Variants in CBFA2T2 observed in about 807,000 individuals in gnomAD.
CBFA2T2 encodes the protein protein CBFA2T2.
In CBFA2T2, 11 loss-of-function variants were observed where a neutral mutation model predicts 62.2. That is an observed-to-expected ratio of 0.18 (90% CI 0.11 to 0.29). The LOEUF (loss-of-function observed/expected upper bound fraction) is 0.29, where lower values mean the gene tolerates loss of function less well. CBFA2T2 is among the 10% of genes least tolerant of loss of function. The probability of loss-of-function intolerance (pLI) is 1.00; values close to 1 mark genes in which losing one functional copy is unlikely to be tolerated. For missense variants in CBFA2T2, 592 were observed against 774.1 expected (o/e 0.76, Z 2.79); for synonymous variants, 295 against 287.5 (o/e 1.03, Z -0.27).
intron 1 of CBFA2T2, among the ~76,000 whole-genome samples, chr20:33,494,566 C>T (rs1345705614): frequency 3.7e-4 from 56 of 151,594 alleles, no homozygotes; most frequent in African/African-American, 1.2e-3. Flanking sequence ...CAGGCATGAG[C>T]CACCGCGCCC....
At chr20:33,607,159 G>GA in intron 2 of CBFA2T2, 60 bp downstream of exon 2, 1 of 1,531,036 alleles carries the variant, frequency 6.5e-7, no homozygotes, top group Non-Finnish European at 9.0e-7. Context: ...CTAAGTGACT[G>GA]ACTTGTATGA....
chr20:33,643,663 T>G (rs1235475167), intron 10 of CBFA2T2, among the ~76,000 whole-genome samples: 2 of 148,588 alleles, frequency 1.3e-5, no homozygotes, highest in Non-Finnish European at 3.0e-5. Flanking sequence ...GCGCTTATAA[T>G]CCTGACACTT....
chr20:33,520,342 C>G (rs1001311621), intron 1 of CBFA2T2, among the ~76,000 whole-genome samples: 1 of 152,142 alleles, frequency 6.6e-6, no homozygotes, highest in Non-Finnish European at 1.5e-5. Context: ...ATATATCTTT[C>G]ATTTGATTGC....
chr20:33,643,611 C>G (rs1019592448), intron 10 of CBFA2T2, among the ~76,000 whole-genome samples: 1 of 151,120 alleles, frequency 6.6e-6, no homozygotes, highest in African/African-American at 2.4e-5. Flanking sequence ...TCAGTAAAAA[C>G]AATGAAGATT....
intron 1 of CBFA2T2, among the ~76,000 whole-genome samples, chr20:33,577,671 T>C (rs1600997227): frequency 6.6e-6 from 1 of 152,208 alleles, no homozygotes; most frequent in Non-Finnish European, 1.5e-5. Context: ...AGTCCTACAA[T>C]AATTAATTCT....
At chr20:33,546,571 C>T (rs2012575567) in intron 1 of CBFA2T2, among the ~76,000 whole-genome samples, 1 of 151,622 alleles carries the variant, frequency 6.6e-6, no homozygotes, top group African/African-American at 2.4e-5. Flanking sequence ...ACTCTGCAGG[C>T]ATATGTTCCA....
At position 33,647,761 on chromosome 20, in the gene CBFA2T2, G is replaced by A. The variant is rs138272192; in HGVS notation, c.*3115G>A. On this transcript the variant is annotated 3_prime_UTR_variant, in exon 11 of 11. Transcript: ENST00000342704. ...AGCCTGGCCTGCTCTTGTGGGCTGT[G>A]GTTGCTGTGACAGTTTCGTTTTCTG... 4 of 152,346 alleles carry A rather than the reference G, an allele frequency of 2.6e-5. No individual in the cohort carries two copies. The highest frequency in any genetic ancestry group is 9.6e-5 in the African/African-American group (4 of 41,462). 9.4% of individuals were successfully genotyped at this position (152,346 alleles called of 1,614,324 possible). A position where few individuals can be genotyped will look rare whatever the true frequency, so the allele number is the denominator to read the frequency against.
At chr20:33,532,296 G>A (rs547931469) in intron 1 of CBFA2T2, among the ~76,000 whole-genome samples, 1 of 152,316 alleles carries the variant, frequency 6.6e-6, no homozygotes, top group East Asian at 1.9e-4. Context: ...GCAGAAAAGT[G>A]TAATTCTGTC....
intron 1 of CBFA2T2, among the ~76,000 whole-genome samples, chr20:33,542,208 G>A (rs778689392): frequency 1.4e-4 from 21 of 152,184 alleles, no homozygotes; most frequent in Non-Finnish European, 2.1e-4. Context: ...GGAACATGTG[G>A]TTTACAGCAT....
intron 8 of CBFA2T2, among the ~76,000 whole-genome samples, chr20:33,630,186 A>C (rs2122355870): frequency 6.6e-6 from 1 of 152,242 alleles, no homozygotes; most frequent in South Asian, 2.1e-4. Flanking sequence ...GGCCTCAAGC[A>C]ATCCTCCTGC....
intron 1 of CBFA2T2, among the ~76,000 whole-genome samples, chr20:33,495,732 A>C (rs1459928670): frequency 6.6e-6 from 1 of 152,172 alleles, no homozygotes. Flanking sequence ...TAAATTCTAA[A>C]GTTTTGAAAT....
Position 33,513,809 on chromosome 20 carries a change from G to T in CBFA2T2, c.34+23508G>T, listed in dbSNP as rs1228408595. On this transcript the variant is annotated intron_variant, in intron 1 of 10. Coordinates refer to ENST00000342704, the MANE Select transcript of CBFA2T2 (RefSeq NM_001032999.3). Reference sequence around the variant, plus strand: ...TGGCCGGGTGACAGAGTAAGACTCTGTCCCAGGAAAAAAAAAAAAAAAAAA... The same window carrying T: ...TGGCCGGGTGACAGAGTAAGACTCTTTCCCAGGAAAAAAAAAAAAAAAAAA... 1.6e-4 allele frequency among the ~76,000 whole-genome samples: 13 copies of T among 79,396 alleles called. 1 individual carries two copies. The highest frequency in any genetic ancestry group is 2.8e-4 in the Non-Finnish European group (11 of 39,086). 52.1% of individuals were successfully genotyped at this position (79,396 alleles called of 152,430 possible).
At chr20:33,503,051 A>C (rs188939028) in intron 1 of CBFA2T2, among the ~76,000 whole-genome samples, 177 of 119,484 alleles carry the variant, frequency 1.5e-3, no homozygotes, top group African/African-American at 5.3e-3. Context: ...AGATCGCGCC[A>C]CTGCGCTCCA....
chr20:33,636,110 G>A (rs1236609347), intron 8 of CBFA2T2, among the ~76,000 whole-genome samples: 1 of 151,956 alleles, frequency 6.6e-6, no homozygotes, highest in East Asian at 1.9e-4. Flanking sequence ...AAAAAGAATA[G>A]CCAGGCAGGG....
At chr20:33,531,314 C>T (rs138741129) in intron 1 of CBFA2T2, among the ~76,000 whole-genome samples, 58 of 152,158 alleles carry the variant, frequency 3.8e-4, no homozygotes, top group African/African-American at 1.3e-3. Flanking sequence ...CAGAGGGGAG[C>T]GTTAACTAAA....
intron 6 of CBFA2T2, among the ~76,000 whole-genome samples, chr20:33,626,065 G>A (rs1019573493): frequency 2.0e-5 from 3 of 152,038 alleles, no homozygotes; most frequent in Non-Finnish European, 4.4e-5. Flanking sequence ...TCACGCCCCA[G>A]CACTCCAGCC....
intron 1 of CBFA2T2, among the ~76,000 whole-genome samples, chr20:33,494,844 C>T (rs953620597): frequency 1.8e-4 from 28 of 151,948 alleles, no homozygotes; most frequent in Middle Eastern, 3.4e-3. Flanking sequence ...GTGATCCGCC[C>T]GTCTCAGCCT....
At chr20:33,531,606 A>G (rs2012065110) in intron 1 of CBFA2T2, among the ~76,000 whole-genome samples, 1 of 152,224 alleles carries the variant, frequency 6.6e-6, no homozygotes, top group Non-Finnish European at 1.5e-5. Flanking sequence ...AAAGCACACA[A>G]TCACAAAACT....
intron 8 of CBFA2T2, among the ~76,000 whole-genome samples, chr20:33,633,047 C>T (rs899939247): frequency 2.0e-5 from 3 of 151,980 alleles, no homozygotes; most frequent in African/African-American, 7.2e-5. Flanking sequence ...ACATAAGCTA[C>T]CATGCCTGGC....
Sources: gnomAD v4.1 joint callset for allele counts (sites outside exome capture counted in the v4.1 genomes callset) on GRCh38, gnomAD v4.1.1 for gene constraint, MANE v1.5 for transcripts, NCBI Gene and HGNC (gene_info 2026-07-23, HGNC 2026-07-21) for gene names.